AAMDC: variants seen among roughly 807,000 people sequenced by gnomAD.
AAMDC encodes mth938 domain-containing protein.
Under a neutral mutation model 15.5 loss-of-function variants are expected in AAMDC, and 16 were observed. The observed-to-expected ratio is 1.03, with a 90% CI of 0.70 to 1.57. The LOEUF (loss-of-function observed/expected upper bound fraction) is 1.57. AAMDC is among the 40% of genes most tolerant of loss of function. AAMDC has a pLI of 0.00. For missense variants in AAMDC, 141 were observed against 144.9 expected, an observed-to-expected ratio of 0.97 and a Z score of 0.14; for synonymous variants, 51 against 51.6, an observed-to-expected ratio of 0.99 and a Z score of 0.05.
chr11:77,845,409 G>C (rs1449187718), intron 2 of AAMDC, among the ~76,000 whole-genome samples: 1 of 151,540 alleles, frequency 6.6e-6, no homozygotes. Flanking sequence ...GTACTTTCCA[G>C]CTCCAGAATT....
chr11:77,876,946 CT>C (rs1367174563), downstream of AAMDC: 21 of 702,932 alleles, frequency 3.0e-5, no homozygotes, highest in Non-Finnish European at 4.9e-5. Context: ...ATGTTTTTGT[CT>C]AGGCTCCAAC....
intron 2 of AAMDC, among the ~76,000 whole-genome samples, chr11:77,857,480 G>A (rs569327167): frequency 3.3e-5 from 5 of 152,148 alleles, no homozygotes; most frequent in Non-Finnish European, 5.9e-5. Flanking sequence ...ATTTATTTTT[G>A]TAGGAAGCTC....
intron 1 of AAMDC, among the ~76,000 whole-genome samples, chr11:77,836,078 G>A (rs1010584622): frequency 6.6e-6 from 1 of 152,088 alleles, no homozygotes; most frequent in African/African-American, 2.4e-5. Flanking sequence ...TCTTGATGTT[G>A]TTGAGATAAC....
rs189806769 is a variant in AAMDC at position 77,896,739 on chromosome 11, T to C, written c.329-3832T>C. On this transcript the variant is annotated intron_variant, in intron 5 of 5. Coordinates refer to the AAMDC transcript ENST00000304716. ...TACAAAAGAAAAGGTATAGGAAAAATAGATCCAGAAAATCCAACATTTAGT... is the reference window on the plus strand; with the variant it reads ...TACAAAAGAAAAGGTATAGGAAAAACAGATCCAGAAAATCCAACATTTAGT... Among the ~76,000 whole-genome samples, 87 of 117,030 alleles carry C rather than the reference T, an allele frequency of 7.4e-4. No individual in the cohort carries two copies. In the Middle Eastern group the frequency reaches 0.021, roughly 28 times the overall value. 76.8% of individuals were successfully genotyped at this position (117,030 alleles called of 152,430 possible). A position where few individuals can be genotyped will look rare whatever the true frequency, so the allele number is the denominator to read the frequency against.
chr11:77,847,465 C>G (rs796893437), intron 2 of AAMDC, among the ~76,000 whole-genome samples: 2 of 152,298 alleles, frequency 1.3e-5, no homozygotes, highest in African/African-American at 4.8e-5. Flanking sequence ...GAACTGCATG[C>G]ACTCATTGAT....
chr11:77,836,468 A>AT (rs1949686919), intron 1 of AAMDC, among the ~76,000 whole-genome samples: 1 of 152,236 alleles, frequency 6.6e-6, no homozygotes, highest in Non-Finnish European at 1.5e-5. Flanking sequence ...AGGCCTCGCC[A>AT]TAAACCAACC....
rs369228479 is a variant in AAMDC, at chr11:77,897,493, G to GTTA, written c.329-3063_329-3061dup. Among the ~76,000 whole-genome samples the GTTA allele has an allele frequency of 4.0e-5, 6 of 150,860 alleles. No individual in the cohort carries two copies. The South Asian group carries it at 8.3e-4, about 21-fold the overall frequency. On this transcript the variant is annotated intron_variant, in intron 5 of 5. Coordinates refer to the AAMDC transcript ENST00000304716. Reference sequence around the variant, plus strand: ...ATAATCAGCTGAAACAAACCTCCAAGTTATTATTATTATTATTTTTTTTTT... The same window carrying GTTA: ...ATAATCAGCTGAAACAAACCTCCAAGTTATTATTATTATTATTATTTTTTTTTT...
rs188090936 is a variant in AAMDC at position 77,890,739 on chromosome 11, G to C, written c.329-9832G>C. On this transcript the variant is annotated intron_variant, in intron 5 of 5. Transcript: ENST00000304716. ...TAGAGTAAACACGATTGCACAGATGGATGGAAGGAAGGATGAATGAGTGGA... is the reference window on the plus strand; with the variant it reads ...TAGAGTAAACACGATTGCACAGATGCATGGAAGGAAGGATGAATGAGTGGA... 1.6e-3 allele frequency among the ~76,000 whole-genome samples: 239 copies of C among 152,328 alleles called. 1 individual carries two copies. Among genetic ancestry groups the C allele is most frequent in the African/African-American group, 5.1e-3 (212 of 41,570 alleles).
chr11:77,883,992 G>C, intron 5 of AAMDC: 2 of 1,597,824 alleles, frequency 1.3e-6, no homozygotes, highest in Middle Eastern at 1.7e-4. Context: ...AGAAGCGAGA[G>C]GAGCATTTAA....
chr11:77,890,716 G>C (rs989511927), intron 5 of AAMDC, among the ~76,000 whole-genome samples: 3 of 152,154 alleles, frequency 2.0e-5, no homozygotes, highest in Non-Finnish European at 2.9e-5. Flanking sequence ...GCATGCAATA[G>C]AGTAAACACG....
intron 1 of AAMDC, among the ~76,000 whole-genome samples, chr11:77,830,341 T>C (rs985054148): frequency 2.6e-5 from 4 of 152,168 alleles, no homozygotes; most frequent in Non-Finnish European, 5.9e-5. Flanking sequence ...GATACTGCCC[T>C]GCCACCAAAA....
intron 1 of AAMDC, among the ~76,000 whole-genome samples, chr11:77,829,318 T>A (rs1722359874): frequency 1.3e-5 from 2 of 152,206 alleles, no homozygotes; most frequent in South Asian, 4.1e-4. Context: ...ATCTTGGATA[T>A]GCCAGCTCCA....
At chr11:77,898,943 C>T (rs1952651560) in intron 5 of AAMDC, among the ~76,000 whole-genome samples, 1 of 152,100 alleles carries the variant, frequency 6.6e-6, no homozygotes, top group African/African-American at 2.4e-5. Context: ...TTGCTTGGAC[C>T]CGGGAACCAG....
intron 2 of AAMDC, among the ~76,000 whole-genome samples, chr11:77,865,442 G>A (rs184476648): frequency 2.8e-4 from 43 of 152,292 alleles, no homozygotes; most frequent in African/African-American, 9.4e-4. Flanking sequence ...GCATGGCAGG[G>A]CTCTAACTTG....
chr11:77,850,140 G>C lies in AAMDC; in HGVS notation c.132+7512G>C, dbSNP rs550297062. Among the ~76,000 whole-genome samples, 7 of 152,256 alleles carry C rather than the reference G, an allele frequency of 4.6e-5. No individual in the cohort carries two copies. The South Asian group carries it at 1.4e-3, about 32-fold the overall frequency. On this transcript the variant is annotated intron_variant, in intron 2 of 3. Transcript: ENST00000393427. Reference sequence around the variant, plus strand: ...CCTTTTTAACATTCCCTCTGAGATAGGTTAATGTTATAATTCCTTTTTCAT... The same window carrying C: ...CCTTTTTAACATTCCCTCTGAGATACGTTAATGTTATAATTCCTTTTTCAT...
At chr11:77,837,962 A>G (rs775535461) in intron 1 of AAMDC, among the ~76,000 whole-genome samples, 5 of 152,190 alleles carry the variant, frequency 3.3e-5, no homozygotes, top group Admixed American at 2.6e-4. Context: ...AGTTCCAGCT[A>G]GGAACTAGCC....
At chr11:77,865,331 G>A (rs985154361) in intron 2 of AAMDC, among the ~76,000 whole-genome samples, 1 of 152,172 alleles carries the variant, frequency 6.6e-6, no homozygotes, top group African/African-American at 2.4e-5. Context: ...TGGTAGGGTG[G>A]GAGAGATGTG....
chr11:77,855,317 GTTTT>G (rs1442880286), intron 2 of AAMDC: 1 of 151,900 alleles, frequency 6.6e-6, no homozygotes, highest in African/African-American at 2.4e-5. Flanking sequence ...AAAAAGTTTT[GTTTT>G]TTTCTTTTTT....
chr11:77,883,455 T>C (rs1306946028), intron 5 of AAMDC, among the ~76,000 whole-genome samples: 1 of 152,196 alleles, frequency 6.6e-6, no homozygotes. Flanking sequence ...ATTATTGTCA[T>C]TTGGAAGATA....
Sources: allele counts gnomAD v4.1 joint callset (sites outside exome capture counted in the v4.1 genomes callset), GRCh38; gene constraint gnomAD v4.1.1; transcripts MANE v1.5; gene names NCBI Gene and HGNC (gene_info 2026-07-23, HGNC 2026-07-21).